Variants in PSMD13 observed in about 807,000 individuals in gnomAD.
The protein encoded by PSMD13 is 26S proteasome non-ATPase regulatory subunit 13.
PSMD13 carries 8 observed loss-of-function variants against 57.4 expected under a neutral mutation model. That is an observed-to-expected ratio of 0.14 (90% confidence interval 0.08 to 0.25). The LOEUF (loss-of-function observed/expected upper bound fraction) is 0.25. PSMD13 is among the 10% of genes least tolerant of loss of function. PSMD13 has a pLI of 1.00. For missense variants in PSMD13, 400 were observed against 461.5 expected (o/e 0.87, Z 1.22); for synonymous variants, 193 against 168.2 (o/e 1.15, Z -1.14).
In PSMD13 at chr11:248,789, G is replaced by A; in HGVS notation, c.582G>A (p.Gln194=). The part of the protein sequence containing the change: ...DIKDLPVSEQ[Q]ERAFTLGLAG... ...TTGCTACCATAGTGTCTGAGCAGCA[G>A]GAGAGAGCCTTCACGCTGGGGCTAG... The change falls in exon 8 of 13, where the codon CAG becomes CAA. Residue 194 remains glutamine (Q), a synonymous_variant. Coordinates refer to ENST00000532097, the MANE Select transcript of PSMD13 (RefSeq NM_002817.4). The A allele has an allele frequency of 6.2e-7, 1 of 1,614,198 alleles. No homozygotes were observed. The highest frequency in any genetic ancestry group is 1.1e-5 in the South Asian group (1 of 91,080).
At chr11:247,492 C>T in intron 7 of PSMD13, 44 bp downstream of exon 7, 3 of 1,585,644 alleles carry the variant, frequency 1.9e-6, no homozygotes, top group South Asian at 1.1e-5. Context: ...AGCATATTCT[C>T]CAAACTTAGC....
Position 252,589 on chromosome 11 carries a change from A to T in PSMD13, c.1120A>T (p.Ile374Phe), listed in dbSNP as rs200373903. The change falls in exon 13 of 13, where the codon ATC becomes TTC. Residue 374 changes from isoleucine (I) to phenylalanine (F), a missense_variant. Ile to Phe is a conservative substitution (Grantham distance 21). Coordinates refer to ENST00000532097, the MANE Select transcript of PSMD13 (RefSeq NM_002817.4). This position sits in a 1 kb window ranked among gnomAD's most constrained non-coding sequence, Gnocchi z 4.1. ...GCTGGTGGAGCACCAGGCCCATGAC[A>T]TCCTCACCTAGGGCCCCCTGGTTCC... ...EMLVEHQAHD[I>F]LT 6.2e-7 allele frequency: 1 copy of T among 1,614,136 alleles called. No individual in the cohort carries two copies. The highest frequency in any genetic ancestry group is 1.7e-5 in the Admixed American group (1 of 60,014).
chr11:245,672 G>A (rs1181314904), intron 6 of PSMD13, among the ~76,000 whole-genome samples: 1 of 138,268 alleles, frequency 7.2e-6, no homozygotes, highest in South Asian at 2.3e-4. Flanking sequence ...GTGTGTGTGT[G>A]TGTGTGTGTT....
intron 9 of PSMD13, 55 bp downstream of exon 9, chr11:249,112 C>G (rs1469348095): frequency 1.9e-6 from 3 of 1,597,910 alleles, no homozygotes; most frequent in Non-Finnish European, 2.5e-6. Flanking sequence ...CTCGCTCATA[C>G]AACAGATGTT....
At chr11:250,207 A>G (rs997961718) in intron 9 of PSMD13, among the ~76,000 whole-genome samples, 1 of 152,248 alleles carries the variant, frequency 6.6e-6, no homozygotes, top group African/African-American at 2.4e-5. Flanking sequence ...AATTAAAACA[A>G]CAAGTCTCCT....
At chr11:244,807 A>T in intron 6 of PSMD13, 46 bp downstream of exon 6, 4 of 1,382,450 alleles carry the variant, frequency 2.9e-6, no homozygotes, top group African/African-American at 1.5e-5. Flanking sequence ...AAAATTATTT[A>T]AAACCCTAGG....
Position 252,336 on chromosome 11 carries a change from T to G in PSMD13, c.1036-169T>G. The G allele has an allele frequency of 1.6e-6, 1 of 622,142 alleles. No individual in the cohort carries two copies. 38.5% of individuals were successfully genotyped at this position (622,142 alleles called of 1,614,324 possible). A position where few individuals can be genotyped will look rare whatever the true frequency, so the allele number is the denominator to read the frequency against. On this transcript the variant is annotated intron_variant, in intron 12 of 12. Coordinates refer to ENST00000532097, the MANE Select transcript of PSMD13 (RefSeq NM_002817.4). The surrounding 1 kb of genome is among the most constrained non-coding windows in gnomAD (Gnocchi z 4.1). Reference sequence around the variant, plus strand: ...TTTCTAACGTTCCTGTGAAAAGAATTAACCCGGCAAGTCCCGTCCCACTCC... The same window carrying G: ...TTTCTAACGTTCCTGTGAAAAGAATGAACCCGGCAAGTCCCGTCCCACTCC...
chr11:249,284 C>G (rs920754408), intron 9 of PSMD13, among the ~76,000 whole-genome samples: 2 of 151,972 alleles, frequency 1.3e-5, no homozygotes, highest in Non-Finnish European at 2.9e-5. Context: ...AAAACAGAAT[C>G]GAATGTGGGC....
At chr11:248,890 A>C (rs374709882) in intron 8 of PSMD13, 35 bp downstream of exon 8, 1 of 1,614,028 alleles carries the variant, frequency 6.2e-7, no homozygotes, top group African/African-American at 1.3e-5. Flanking sequence ...CCTTAACGAG[A>C]GAGACTAAAG....
In PSMD13 at chr11:244,489, A is replaced by C. The variant is rs941076101; in HGVS notation, c.309+20A>C. On this transcript the variant is annotated intron_variant, in intron 5 of 12. Coordinates refer to ENST00000532097, the MANE Select transcript of PSMD13 (RefSeq NM_002817.4). Reference sequence around the variant, plus strand: ...GAGAAGGTAAATGTGGCATGTGGGCAATACCTTTTAGTACCTTTTAGAGTA... The same window carrying C: ...GAGAAGGTAAATGTGGCATGTGGGCCATACCTTTTAGTACCTTTTAGAGTA... The C allele has an allele frequency of 6.6e-7, 1 of 1,504,420 alleles. No homozygotes were observed. The allele number at this position is 1,504,420 out of a possible 1,614,324, so 93.2% of individuals were successfully genotyped here. A position where few individuals can be genotyped will look rare whatever the true frequency, so the allele number is the denominator to read the frequency against.
In PSMD13 at chr11:247,288, A is replaced by G; in HGVS notation, c.408A>G (p.Glu136=). 6.2e-7 allele frequency: 1 copy of G among 1,611,726 alleles called. No homozygotes were observed. The highest frequency in any genetic ancestry group is 2.2e-5 in the East Asian group (1 of 44,868). The change falls in exon 7 of 13, where the codon GAA becomes GAG. Residue 136 remains glutamate (E), a synonymous_variant. Coordinates refer to ENST00000532097, the MANE Select transcript of PSMD13 (RefSeq NM_002817.4). ...GDLQVTKETI[E]DVEEMLNNLP... Reference sequence around the variant, plus strand: ...CTTCCTGTGTATAGGAAACAATTGAAGATGTTGAAGAAATGCTCAACAACC... The same window carrying G: ...CTTCCTGTGTATAGGAAACAATTGAGGATGTTGAAGAAATGCTCAACAACC...
At position 252,046 on chromosome 11, in the gene PSMD13, CAA is replaced by C. The variant is rs138410453; in HGVS notation, c.1035+111_1035+112del. 2.8e-4 allele frequency: 292 copies of C among 1,042,578 alleles called. 1 individual carries two copies. In the African/African-American group the frequency reaches 3.9e-3, roughly 14 times the overall value. The allele number at this position is 1,042,578 out of a possible 1,614,324, so 64.6% of individuals were successfully genotyped here. ...CATTTGGGAAGACAGCATTATTAGACAAGAGGTTTTGGAGAAGGAAATACTGC... is the reference window on the plus strand; with the variant it reads ...CATTTGGGAAGACAGCATTATTAGACGAGGTTTTGGAGAAGGAAATACTGC... On this transcript the variant is annotated intron_variant, in intron 12 of 12. Transcript: ENST00000532097. The surrounding 1 kb of genome is among the most constrained non-coding windows in gnomAD (Gnocchi z 4.1).
rs375497823 is a variant in PSMD13, at chr11:239,547, G to T, written c.174+471G>T. 5.3e-5 allele frequency among the ~76,000 whole-genome samples: 8 copies of T among 152,144 alleles called. No individual in the cohort carries two copies. The South Asian group carries it at 1.7e-3, about 32-fold the overall frequency. On this transcript the variant is annotated intron_variant, in intron 2 of 12. Coordinates refer to ENST00000532097, the MANE Select transcript of PSMD13 (RefSeq NM_002817.4). ...TTCCATCACTCCCCTTCTTTAAGCC[G>T]CACTGCTTGCTTGCCCAGACACTTC...
At chr11:246,585 T>G (rs1023160369) in intron 6 of PSMD13, among the ~76,000 whole-genome samples, 4 of 152,170 alleles carry the variant, frequency 2.6e-5, no homozygotes, top group Admixed American at 2.6e-4. Flanking sequence ...CCCTTGTGTG[T>G]GGGCAGAATC....
Position 249,565 on chromosome 11 carries a change from G to A in PSMD13, c.774+508G>A, listed in dbSNP as rs1361958512. Among the ~76,000 whole-genome samples the A allele has an allele frequency of 3.5e-5, 5 of 141,724 alleles. 1 individual carries two copies. Among genetic ancestry groups the A allele is most frequent in the African/African-American group, 1.3e-4 (5 of 37,870 alleles). The allele number at this position is 141,724 out of a possible 152,430, so 93.0% of individuals were successfully genotyped here. On this transcript the variant is annotated intron_variant, in intron 9 of 12. Coordinates refer to ENST00000532097, the MANE Select transcript of PSMD13 (RefSeq NM_002817.4). ...TGCAGGGAGGGGGAGAGCGGCGGGT[G>A]CGGGGAGGGGGAGAGCGGCGGGTGC...
At chr11:248,621 A>C in intron 7 of PSMD13, 155 bp from the exon 8 acceptor site, 1 of 706,182 alleles carries the variant, frequency 1.4e-6, no homozygotes, top group East Asian at 2.7e-5. Context: ...ATCTAAGTCA[A>C]CCCAATACTT....
intron 6 of PSMD13, among the ~76,000 whole-genome samples, chr11:246,597 C>G (rs1215733182): frequency 6.6e-6 from 1 of 152,154 alleles, no homozygotes; most frequent in Non-Finnish European, 1.5e-5. Flanking sequence ...GGCAGAATCT[C>G]ACCAAGATGT....
At position 243,613 on chromosome 11, in the gene PSMD13, G is replaced by A. The variant is rs1040166072; in HGVS notation, c.175-428G>A. 84 of 374,092 alleles carry A rather than the reference G, an allele frequency of 2.2e-4. 1 individual carries two copies. Among genetic ancestry groups the A allele is most frequent in the South Asian group, 1.9e-3 (82 of 43,294 alleles). 23.2% of individuals were successfully genotyped at this position (374,092 alleles called of 1,614,324 possible). A position where few individuals can be genotyped will look rare whatever the true frequency, so the allele number is the denominator to read the frequency against. Reference sequence around the variant, plus strand: ...AGATACAAATAAACCTGTCCTGGTAGGCTGGGGACCACACGGCAGCGCAGG... The same window carrying A: ...AGATACAAATAAACCTGTCCTGGTAAGCTGGGGACCACACGGCAGCGCAGG... On this transcript the variant is annotated intron_variant, in intron 2 of 12. Coordinates refer to ENST00000532097, the MANE Select transcript of PSMD13 (RefSeq NM_002817.4).
intron 5 of PSMD13, 70 bp downstream of exon 5, chr11:244,539 A>T (rs1359491413): frequency 6.5e-7 from 1 of 1,544,302 alleles, no homozygotes; most frequent in African/African-American, 1.4e-5. Flanking sequence ...GCTTGTGTTC[A>T]TGCTCACTGT....
Sources: gnomAD v4.1 joint callset for allele counts (sites outside exome capture counted in the v4.1 genomes callset) on GRCh38, gnomAD v4.1.1 for gene constraint, Gnocchi (gnomAD v3.1) non-coding constraint, MANE v1.5 for transcripts, NCBI Gene and HGNC (gene_info 2026-07-23, HGNC 2026-07-21) for gene names.